SIRT1: variants seen among roughly 807,000 people sequenced by gnomAD.
SIRT1 encodes NAD-dependent protein deacetylase sirtuin-1.
In SIRT1, 24 loss-of-function variants were observed where a neutral mutation model predicts 67.9. The observed-to-expected ratio is 0.35, with a 90% CI of 0.26 to 0.50. SIRT1 has a LOEUF of 0.50. SIRT1 is among the 20% of genes least tolerant of loss of function. The pLI is 0.98. For synonymous variants in SIRT1, 378 were observed against 350.7 expected, an observed-to-expected ratio of 1.08 and a Z score of -0.87; for missense variants, 873 against 937.2, an observed-to-expected ratio of 0.93 and a Z score of 0.89.
chr10:67,889,242 C>A, intron 3 of SIRT1, 119 bp downstream of exon 3: 1 of 1,122,566 alleles, frequency 8.9e-7, no homozygotes, highest in Non-Finnish European at 1.2e-6. Flanking sequence ...TGTTTGGGAA[C>A]TGCCAAAAAC....
At chr10:67,889,657 G>T (rs1206232791) in intron 3 of SIRT1, among the ~76,000 whole-genome samples, 1 of 152,228 alleles carries the variant, frequency 6.6e-6, no homozygotes, top group East Asian at 1.9e-4. Context: ...TGCATAGTGT[G>T]TGTTTTATAC....
At chr10:67,911,922 G>A (rs1300093774) in intron 7 of SIRT1, among the ~76,000 whole-genome samples, 2 of 151,782 alleles carry the variant, frequency 1.3e-5, no homozygotes, top group South Asian at 2.1e-4. Context: ...GCTACCACAC[G>A]CCCGGCTAAT....
chr10:67,905,025 G>A lies in SIRT1; in HGVS notation c.943-1765G>A, dbSNP rs778727861. Among the ~76,000 whole-genome samples the A allele has an allele frequency of 2.6e-5, 4 of 152,130 alleles. No individual in the cohort carries two copies. In the South Asian group the frequency reaches 8.3e-4, roughly 32 times the overall value. On this transcript the variant is annotated intron_variant, in intron 4 of 8. Transcript: ENST00000212015. ...TAAGGCACACAGTTAATTCAGGGACGGTGGAGTCTTGGTACTTGCTCTTTT... is the reference window on the plus strand; with the variant it reads ...TAAGGCACACAGTTAATTCAGGGACAGTGGAGTCTTGGTACTTGCTCTTTT...
At chr10:67,898,612 T>A (rs898172326) in intron 4 of SIRT1, among the ~76,000 whole-genome samples, 15 of 152,228 alleles carry the variant, frequency 9.9e-5, no homozygotes, top group African/African-American at 3.4e-4. Flanking sequence ...ACTCAACATG[T>A]ATATGGATTA....
At chr10:67,908,011 CTTT>C (rs767315090) in intron 5 of SIRT1, 32 bp from the exon 6 acceptor site, 1 of 1,540,798 alleles carries the variant, frequency 6.5e-7, no homozygotes, top group Non-Finnish European at 8.9e-7. Context: ...AGAAATACTT[CTTT>C]AATAAAGCAT....
In SIRT1 at chr10:67,909,452, T is replaced by G. The variant is rs1435488120; in HGVS notation, c.1357+10T>G. On this transcript the variant is annotated intron_variant, in intron 7 of 8. Transcript: ENST00000212015. ...GTAGCACTAATTCCAAGTAAGTTGG[T>G]GATGGTTTTTGGAGAACATTTCTAT... 6.3e-7 allele frequency: 1 copy of G among 1,595,042 alleles called. No individual in the cohort carries two copies. The highest frequency in any genetic ancestry group is 8.5e-7 in the Non-Finnish European group (1 of 1,173,436).
intron 4 of SIRT1, among the ~76,000 whole-genome samples, chr10:67,899,914 C>T (rs532037201): frequency 2.0e-5 from 3 of 151,930 alleles, no homozygotes; most frequent in African/African-American, 7.2e-5. Context: ...TGAAACCCTT[C>T]TCTACTAAAA....
chr10:67,893,574 GCT>G (rs1842607181), intron 4 of SIRT1, among the ~76,000 whole-genome samples: 1 of 149,030 alleles, frequency 6.7e-6, no homozygotes, highest in African/African-American at 2.5e-5. Flanking sequence ...ACGGAGTCTG[GCT>G]CTGTTTCCCA....
Position 67,884,666 on chromosome 10 carries a change from C to A in SIRT1, c.-56C>A. 1 of 1,224,876 alleles carries A rather than the reference C, an allele frequency of 8.2e-7. No individual in the cohort carries two copies. The allele number at this position is 1,224,876 out of a possible 1,614,324, so 75.9% of individuals were successfully genotyped here. ...CGGAGCCGCGGGGGCGCCAGTGCCG[C>A]GCGTCGAGCGGGAGCAGAGGAGGCG... On this transcript the variant is annotated 5_prime_UTR_variant, in exon 1 of 9. Transcript: ENST00000212015.
At chr10:67,889,189 C>G (rs1842531315) in intron 3 of SIRT1, 66 bp downstream of exon 3, 1 of 1,481,194 alleles carries the variant, frequency 6.8e-7, no homozygotes. Context: ...AAGTAGGAAA[C>G]ATTTTTCTGG....
rs755416990 is a variant in SIRT1 at position 67,909,284 on chromosome 10, C to G, written c.1199C>G (p.Ala400Gly). The change falls in exon 7 of 9, where the codon GCT becomes GGT. Residue 400 changes from alanine (A) to glycine (G), a missense_variant. Ala to Gly is a moderately conservative substitution (Grantham distance 60). This residue lies in a region of SIRT1 where 251 missense variants were observed against 358.8 expected (regional missense o/e 0.70). Coordinates refer to ENST00000212015, the MANE Select transcript of SIRT1 (RefSeq NM_012238.5). ...GTTCCTCGATGTCCTAGGTGCCCAG[C>G]TGATGAACCGCTTGCTATCATGAAA... ...QVVPRCPRCP[A>G]DEPLAIMKPE... 7 of 1,610,012 alleles carry G rather than the reference C, an allele frequency of 4.3e-6. No individual in the cohort carries two copies. In the African/African-American group the frequency reaches 9.4e-5, roughly 22 times the overall value.
At chr10:67,894,802 C>CT (rs1313496151) in intron 4 of SIRT1, among the ~76,000 whole-genome samples, 2 of 151,942 alleles carry the variant, frequency 1.3e-5, no homozygotes, top group Non-Finnish European at 2.9e-5. Flanking sequence ...CTCCACCTCC[C>CT]GGGTTCAAGC....
intron 4 of SIRT1, among the ~76,000 whole-genome samples, chr10:67,895,961 C>T (rs547932463): frequency 1.3e-5 from 2 of 151,886 alleles, no homozygotes; most frequent in South Asian, 2.1e-4. Flanking sequence ...AGGCTGGTCT[C>T]GAACTCCTGA....
At chr10:67,896,286 T>G (rs1291310160) in intron 4 of SIRT1, among the ~76,000 whole-genome samples, 1 of 152,136 alleles carries the variant, frequency 6.6e-6, no homozygotes, top group Non-Finnish European at 1.5e-5. Context: ...GCACGTACCA[T>G]ATACCTAGCT....
chr10:67,887,903 C>T (rs549456887), intron 2 of SIRT1, among the ~76,000 whole-genome samples: 1 of 152,306 alleles, frequency 6.6e-6, no homozygotes, highest in African/African-American at 2.4e-5. Context: ...GTGTAGTGTT[C>T]TTCATCCGGT....
intron 4 of SIRT1, among the ~76,000 whole-genome samples, chr10:67,900,095 C>T (rs1190964085): frequency 1.3e-5 from 2 of 152,134 alleles, no homozygotes; most frequent in South Asian, 2.1e-4. Context: ...AAAATAAATA[C>T]AATTTTAAAT....
chr10:67,885,444 CT>C, intron 1 of SIRT1: 1 of 1,184,524 alleles, frequency 8.4e-7, no homozygotes, highest in Non-Finnish European at 1.1e-6. Flanking sequence ...TTCTCTCCCC[CT>C]CTTACTCTTT....
rs201635394 is a variant in SIRT1, at chr10:67,909,359, C to G, written c.1274C>G (p.Ala425Gly). 63 of 1,613,682 alleles carry G rather than the reference C, an allele frequency of 3.9e-5. 2 individuals carry two copies. In the South Asian group the frequency reaches 6.7e-4, roughly 17 times the overall value. ...AATTTACCAGAACAGTTTCATAGAG[C>G]CATGAAGTATGACAAAGATGAAGTT... ...GENLPEQFHR[A>G]MKYDKDEVDL... is the part of the protein sequence containing the mutation. The change falls in exon 7 of 9, where the codon GCC becomes GGC. Residue 425 changes from alanine (A) to glycine (G), a missense_variant. Physicochemically the swap from Ala to Gly is moderately conservative, Grantham distance 60. Around this residue, in one of 3 missense-constraint regions of SIRT1, gnomAD observed 251 missense variants for 358.8 expected, o/e 0.70. Transcript: ENST00000212015.
At chr10:67,907,945 C>A in intron 5 of SIRT1, 101 bp from the exon 6 acceptor site, 2 of 961,866 alleles carry the variant, frequency 2.1e-6, no homozygotes, top group South Asian at 3.6e-5. Flanking sequence ...AATCCTTAAA[C>A]CCTCTTAACA....
Sources: gnomAD v4.1 joint callset for allele counts (sites outside exome capture counted in the v4.1 genomes callset) on GRCh38, gnomAD v4.1.1 for gene constraint, gnomAD v4.1.1 regional missense constraint, MANE v1.5 for transcripts, NCBI Gene and HGNC (gene_info 2026-07-23, HGNC 2026-07-21) for gene names.